Variants in PDS5B observed in about 807,000 individuals in gnomAD.
PDS5B encodes PDS5 cohesin associated factor B.
PDS5B carries 51 observed loss-of-function variants against 184.1 expected under a neutral mutation model. The ratio of observed to expected loss-of-function variants is 0.28; its 90% CI spans 0.22 to 0.35. The LOEUF is 0.35. Among genes scored for constraint, PDS5B ranks in the 10% least tolerant of loss-of-function variants. PDS5B has a pLI of 1.00. For synonymous variants in PDS5B, 566 were observed against 569.2 expected, an observed-to-expected ratio of 0.99 and a Z score of 0.08; for missense variants, 1,180 against 1,723.3, an observed-to-expected ratio of 0.68 and a Z score of 5.58.
rs1438426301 is a variant in PDS5B at position 32,777,480 on chromosome 13, C to T, written c.*2428C>T. 6.6e-6 allele frequency: 1 copy of T among 151,872 alleles called. No homozygotes were observed. Among genetic ancestry groups the T allele is most frequent in the East Asian group, 1.9e-4 (1 of 5,166 alleles). 9.4% of individuals were successfully genotyped at this position (151,872 alleles called of 1,614,324 possible). A position where few individuals can be genotyped will look rare whatever the true frequency, so the allele number is the denominator to read the frequency against. Reference sequence around the variant, plus strand: ...TCATGTAGTAAGATTTGGAGAGCCACATACTTTACAGTAAAATTAAGTGTG... The same window carrying T: ...TCATGTAGTAAGATTTGGAGAGCCATATACTTTACAGTAAAATTAAGTGTG... On this transcript the variant is annotated 3_prime_UTR_variant, in exon 35 of 35. Coordinates refer to ENST00000315596, the MANE Select transcript of PDS5B (RefSeq NM_015032.4).
At chr13:32,636,617 T>C (rs1398423286) in intron 1 of PDS5B, among the ~76,000 whole-genome samples, 1 of 152,246 alleles carries the variant, frequency 6.6e-6, no homozygotes, top group African/African-American at 2.4e-5. Context: ...TCCTTGTTTA[T>C]AAATGGGCAT....
At chr13:32,656,035 T>C (rs1475996401) in intron 3 of PDS5B, among the ~76,000 whole-genome samples, 1 of 152,214 alleles carries the variant, frequency 6.6e-6, no homozygotes, top group African/African-American at 2.4e-5. Context: ...GTTTCAGTCT[T>C]CTGCATATGA....
chr13:32,611,890 C>T (rs1405346309), intron 1 of PDS5B, among the ~76,000 whole-genome samples: 3 of 152,068 alleles, frequency 2.0e-5, no homozygotes, highest in Admixed American at 6.6e-5. Flanking sequence ...GTTCCTGATA[C>T]ATCTGTCTCT....
At chr13:32,622,566 GTCT>G (rs2140540020) in intron 1 of PDS5B, among the ~76,000 whole-genome samples, 1 of 152,266 alleles carries the variant, frequency 6.6e-6, no homozygotes, top group African/African-American at 2.4e-5. Flanking sequence ...CCTTGTTTAA[GTCT>G]TCTTATGTCT....
chr13:32,668,626 T>G (rs1261664422), intron 7 of PDS5B, among the ~76,000 whole-genome samples: 1 of 152,150 alleles, frequency 6.6e-6, no homozygotes, highest in South Asian at 2.1e-4. Flanking sequence ...CTTGGAATTG[T>G]GTAACAGTTC....
chr13:32,590,665 T>G (rs2057760253), intron 1 of PDS5B, among the ~76,000 whole-genome samples: 2 of 152,218 alleles, frequency 1.3e-5, no homozygotes, highest in South Asian at 4.1e-4. Context: ...TTAGGTAAGA[T>G]AGGATTCTTT....
intron 21 of PDS5B, 39 bp from the exon 22 acceptor site, chr13:32,741,041 A>T (rs530802777): frequency 8.9e-7 from 1 of 1,126,832 alleles, no homozygotes; most frequent in East Asian, 2.3e-5. Context: ...TTTACATTTT[A>T]AAGTCCCTGG....
chr13:32,766,775 A>G (rs1441371591), intron 31 of PDS5B, among the ~76,000 whole-genome samples: 1 of 152,214 alleles, frequency 6.6e-6, no homozygotes, highest in African/African-American at 2.4e-5. Flanking sequence ...ATGAAAAAGA[A>G]ATAAGTAGTG....
At chr13:32,616,049 C>G (rs1007133286) in intron 1 of PDS5B, among the ~76,000 whole-genome samples, 1 of 151,394 alleles carries the variant, frequency 6.6e-6, no homozygotes, top group South Asian at 2.1e-4. Flanking sequence ...TTTTCCTCCT[C>G]TCTCTCTCTC....
At chr13:32,632,971 C>T (rs2058481463) in intron 1 of PDS5B, among the ~76,000 whole-genome samples, 1 of 152,096 alleles carries the variant, frequency 6.6e-6, no homozygotes. Flanking sequence ...CGTGGTGGCG[C>T]GCGCCTGTGG....
intron 10 of PDS5B, 151 bp downstream of exon 10, chr13:32,679,080 A>ATT (rs1193182357): frequency 1.0e-3 from 377 of 361,228 alleles, no homozygotes; most frequent in South Asian, 1.2e-3. Flanking sequence ...CTGAAGCTAG[A>ATT]TTTTTTTTTT....
intron 1 of PDS5B, among the ~76,000 whole-genome samples, chr13:32,605,006 G>C (rs2058038132): frequency 6.6e-6 from 1 of 151,754 alleles, no homozygotes. Context: ...GAATTTTGTT[G>C]ATCTTTTCAA....
intron 1 of PDS5B, among the ~76,000 whole-genome samples, chr13:32,648,303 C>T (rs1382596986): frequency 2.0e-5 from 3 of 152,048 alleles, no homozygotes; most frequent in African/African-American, 7.2e-5. Flanking sequence ...TTCCCCTTGC[C>T]CTATAAGACC....
chr13:32,634,170 C>G (rs997730802), intron 1 of PDS5B, among the ~76,000 whole-genome samples: 11 of 152,150 alleles, frequency 7.2e-5, no homozygotes, highest in Middle Eastern at 3.4e-3. Flanking sequence ...TTTGGAAATT[C>G]TCTAAAATAC....
At chr13:32,652,122 A>C (rs995138106) in intron 3 of PDS5B, 115 bp downstream of exon 3, 2 of 731,492 alleles carry the variant, frequency 2.7e-6, no homozygotes, top group Non-Finnish European at 2.3e-6. Flanking sequence ...CATTAGCTAC[A>C]GTAATCTTTT....
At chr13:32,676,575 G>GA (rs1268684067) in intron 9 of PDS5B, among the ~76,000 whole-genome samples, 2 of 151,854 alleles carry the variant, frequency 1.3e-5, no homozygotes, top group African/African-American at 4.8e-5. Flanking sequence ...CTCTGACTCA[G>GA]AAAAAAAGAG....
intron 1 of PDS5B, among the ~76,000 whole-genome samples, chr13:32,608,935 T>C (rs2058101159): frequency 6.6e-6 from 1 of 152,178 alleles, no homozygotes; most frequent in Admixed American, 6.5e-5. Flanking sequence ...TGCTTCACTT[T>C]TGTCTTCTAA....
chr13:32,702,859 G>A (rs1423099233), intron 17 of PDS5B, among the ~76,000 whole-genome samples: 4 of 152,274 alleles, frequency 2.6e-5, no homozygotes, highest in Admixed American at 6.5e-5. Context: ...TGATTGAGAT[G>A]ATGGCTAGGA....
At position 32,667,747 on chromosome 13, in the gene PDS5B, T is replaced by C. The variant is rs1163326132; in HGVS notation, c.625-17T>C. Reference sequence around the variant, plus strand: ...TAGTTAGAGATATATAATATAGATATTGTTTATGTTTTTCAGAATTTAAAC... The same window carrying C: ...TAGTTAGAGATATATAATATAGATACTGTTTATGTTTTTCAGAATTTAAAC... On this transcript the variant is annotated splice_polypyrimidine_tract_variant and intron_variant, in intron 6 of 34. Transcript: ENST00000315596. 1 of 1,493,108 alleles carries C rather than the reference T, an allele frequency of 6.7e-7. No individual in the cohort carries two copies. The highest frequency in any genetic ancestry group is 9.2e-7 in the Non-Finnish European group (1 of 1,087,516). The allele number at this position is 1,493,108 out of a possible 1,614,324, so 92.5% of individuals were successfully genotyped here.
Sources: gnomAD v4.1 joint callset for allele counts (sites outside exome capture counted in the v4.1 genomes callset) on GRCh38, gnomAD v4.1.1 for gene constraint, MANE v1.5 for transcripts, NCBI Gene and HGNC (gene_info 2026-07-23, HGNC 2026-07-21) for gene names.